Variants in MGAM observed in about 807,000 individuals in gnomAD.
MGAM encodes the protein maltase-glucoamylase.
Under a neutral mutation model 358.8 loss-of-function variants are expected in MGAM, and 253 were observed. The ratio of observed to expected loss-of-function variants is 0.71; its 90% CI spans 0.64 to 0.78. MGAM has a LOEUF of 0.78. Among genes scored for constraint, MGAM ranks in the 30% least tolerant of loss-of-function variants. MGAM has a pLI of 0.00. For synonymous variants in MGAM, 1,105 were observed against 1,227.1 expected, an observed-to-expected ratio of 0.90 and a Z score of 2.08; for missense variants, 3,080 against 3,432.6, an observed-to-expected ratio of 0.90 and a Z score of 2.57.
chr7:142,074,401 A>G (rs5018142), intron 45 of MGAM, among the ~76,000 whole-genome samples: 14,065 of 146,060 alleles, frequency 0.096, 2,092 homozygotes, highest in African/African-American at 0.23. Context: ...CGCCAGTGAT[A>G]CCTATAATGG....
chr7:142,051,110 C>A (rs552659279), intron 24 of MGAM, among the ~76,000 whole-genome samples: 1 of 152,050 alleles, frequency 6.6e-6, no homozygotes, highest in African/African-American at 2.4e-5. Flanking sequence ...TTGCTTTTCC[C>A]AAAAATAGAA....
At position 142,036,936 on chromosome 7, in the gene MGAM, T is replaced by C; in HGVS notation, c.2190T>C (p.Ala730=). Residue 730 remains alanine, a synonymous_variant, in exon 18 of 71, where the codon GCT becomes GCC. Transcript: ENST00000475668. ...LPYLYTLFFR[A]HSRGDTVARP... is the part of the protein sequence containing the mutation. ...ACCTATACACCCTCTTCTTCCGTGC[T>C]CACAGCCGAGGGGACACGGTGGCCA... The C allele has an allele frequency of 6.2e-6, 10 of 1,613,742 alleles. No homozygotes were observed. The highest frequency in any genetic ancestry group is 8.5e-6 in the Non-Finnish European group (10 of 1,179,686).
At chr7:142,010,439 C>T (rs187150408) in intron 3 of MGAM, among the ~76,000 whole-genome samples, 2 of 152,192 alleles carry the variant, frequency 1.3e-5, no homozygotes, top group Admixed American at 6.5e-5. Flanking sequence ...AACAGCAGAA[C>T]TTCTGCTTGG....
chr7:142,048,222 G>A (rs1382102086), intron 22 of MGAM, among the ~76,000 whole-genome samples: 4 of 148,248 alleles, frequency 2.7e-5, no homozygotes, highest in Admixed American at 2.0e-4. Flanking sequence ...GCGCGATCTC[G>A]GCTCACTGCA....
chr7:142,052,341 A>C lies in MGAM; in HGVS notation c.2853A>C (p.Thr951=). 2 of 1,609,922 alleles carry C rather than the reference A, an allele frequency of 1.2e-6. No individual in the cohort carries two copies. The highest frequency in any genetic ancestry group is 1.7e-6 in the Non-Finnish European group (2 of 1,177,864). The part of the protein sequence containing the change: ...DIDLLLGEAY[T]VEWSIKIRDE... ...ATCTTCTCCTGGGAGAAGCATACAC[A>C]GTGGAATGGAGCATAAAGATAAGGG... The change falls in exon 25 of 71, where the codon ACA becomes ACC. Residue 951 remains threonine (T), a synonymous_variant. Transcript: ENST00000475668.
intron 22 of MGAM, among the ~76,000 whole-genome samples, chr7:142,049,011 C>G (rs961061130): frequency 6.6e-6 from 1 of 152,122 alleles, no homozygotes; most frequent in African/African-American, 2.4e-5. Flanking sequence ...CATCATCTCC[C>G]CAGTTTCCAC....
intron 21 of MGAM, among the ~76,000 whole-genome samples, chr7:142,044,226 A>G (rs1252499702): frequency 2.1e-4 from 29 of 135,376 alleles, no homozygotes; most frequent in Non-Finnish European, 3.2e-4. Context: ...CACATACGAC[A>G]TATAATATAT....
At chr7:141,992,730 G>C (rs1803999260), upstream of MGAM, among the ~76,000 whole-genome samples, 1 of 152,136 alleles carries the variant, frequency 6.6e-6, no homozygotes, top group South Asian at 2.1e-4. Context: ...TACAGGTGTG[G>C]ACCACCACAC....
At chr7:142,011,108 G>A (rs567469921) in intron 3 of MGAM, among the ~76,000 whole-genome samples, 3 of 152,290 alleles carry the variant, frequency 2.0e-5, no homozygotes, top group African/African-American at 7.2e-5. Context: ...ATGTTGCAGA[G>A]TAATTAAGCT....
At chr7:142,002,109 A>C (rs1554450837) in intron 1 of MGAM, among the ~76,000 whole-genome samples, 1 of 152,162 alleles carries the variant, frequency 6.6e-6, no homozygotes, top group African/African-American at 2.4e-5. Context: ...TTGGGGATAG[A>C]ATAAAAAAAT....
chr7:142,008,514 C>T lies in MGAM; in HGVS notation c.136C>T (p.Pro46Ser). The change falls in exon 3 of 71, where the codon CCT (proline) becomes TCT (serine). Residue 46 changes from proline (P) to serine (S), a missense_variant. By Grantham distance (74) the Pro-to-Ser change is moderately conservative (BLOSUM62 -1). Transcript: ENST00000475668. ...KESLKSTAPDPGTTGTPDPGT... is the reference protein window; with the variant it reads ...KESLKSTAPDSGTTGTPDPGT... ...GTTTGCTTTTGGTATAGCCCCAGAT[C>T]CTGGGACAACTGGTACCCCAGATCC... is the stretch of plus-strand genomic sequence containing the variant. The T allele has an allele frequency of 1.2e-6, 2 of 1,609,602 alleles. No individual in the cohort carries two copies. The highest frequency in any genetic ancestry group is 1.7e-6 in the Non-Finnish European group (2 of 1,177,838).
At chr7:142,087,116 C>T (rs1265101469) in intron 57 of MGAM, among the ~76,000 whole-genome samples, 1 of 143,300 alleles carries the variant, frequency 7.0e-6, no homozygotes, top group Non-Finnish European at 1.6e-5. Flanking sequence ...CCCTTTTAAA[C>T]AGTCTTCTAA....
rs1182124695 is a variant in MGAM, at chr7:142,041,999, T to TATTA, written c.2498+1153_2498+1154insATTA. 3.3e-3 allele frequency among the ~76,000 whole-genome samples: 39 copies of TATTA among 11,998 alleles called. 2 individuals are homozygous for TATTA. The highest frequency in any genetic ancestry group is 0.017 in the African/African-American group (39 of 2,340). 7.9% of individuals were successfully genotyped at this position (11,998 alleles called of 152,430 possible). On this transcript the variant is annotated intron_variant, in intron 21 of 70. Transcript: ENST00000475668. ...ATATATATAATATAATATATATATA[T>TATTA]TATATATATAATATAATATATATAT...
In MGAM at chr7:142,054,688, G is replaced by T. The variant is rs1439387628; in HGVS notation, c.3160-66G>T. 4 of 1,514,868 alleles carry T rather than the reference G, an allele frequency of 2.6e-6. No individual in the cohort carries two copies. In the East Asian group the frequency reaches 6.9e-5, roughly 26 times the overall value. The allele number at this position is 1,514,868 out of a possible 1,614,324, so 93.8% of individuals were successfully genotyped here. A position where few individuals can be genotyped will look rare whatever the true frequency, so the allele number is the denominator to read the frequency against. On this transcript the variant is annotated intron_variant, in intron 26 of 70. Transcript: ENST00000475668. ...GAACTTTGTGTCCAAAAATCAAAAA[G>T]GTTCTGCTAAGGGTATAGGTTTCAA...
At chr7:142,040,408 T>C (rs922259576) in intron 20 of MGAM, 1 of 585,208 alleles carries the variant, frequency 1.7e-6, no homozygotes, top group Admixed American at 3.2e-5. Context: ...GCTGACATAG[T>C]ATCTCATAAA....
intron 21 of MGAM, among the ~76,000 whole-genome samples, chr7:142,044,023 T>C (rs1269527425): frequency 7.4e-6 from 1 of 135,748 alleles, no homozygotes; most frequent in African/African-American, 2.8e-5. Context: ...ATATACATTA[T>C]ATACACATAC....
chr7:142,054,728 C>G, intron 26 of MGAM, 26 bp from the exon 27 acceptor site: 1 of 1,612,310 alleles, frequency 6.2e-7, no homozygotes, highest in South Asian at 1.1e-5. Flanking sequence ...AGTATTGTTG[C>G]CTAAAATTGA....
chr7:142,095,970 A>T, intron 64 of MGAM: 3 of 629,500 alleles, frequency 4.8e-6, no homozygotes, highest in Non-Finnish European at 8.1e-6. Flanking sequence ...GGCTGTGCAA[A>T]GGCCTATCTA....
Position 142,045,794 on chromosome 7 carries a change from G to A in MGAM, c.2499-1991G>A, listed in dbSNP as rs182632134. On this transcript the variant is annotated intron_variant, in intron 21 of 70. Transcript: ENST00000475668. The stretch of plus-strand genomic sequence containing the variant: ...TGTATGAATATATAATATACATATC[G>A]TATATACATACAATGTATGAATATA... 5.3e-4 allele frequency among the ~76,000 whole-genome samples: 62 copies of A among 117,826 alleles called. 13 individuals carry two copies. Among genetic ancestry groups the A allele is most frequent in the African/African-American group, 1.9e-3 (54 of 28,120 alleles). 77.3% of individuals were successfully genotyped at this position (117,826 alleles called of 152,430 possible).
Sources: gnomAD v4.1 joint callset for allele counts (sites outside exome capture counted in the v4.1 genomes callset) on GRCh38, gnomAD v4.1.1 for gene constraint, MANE v1.5 for transcripts, NCBI Gene and HGNC (gene_info 2026-07-23, HGNC 2026-07-21) for gene names.